The following STAU2 variants were observed in gnomAD, a reference collection of about 807,000 sequenced individuals.
The protein encoded by STAU2 is double-stranded RNA-binding protein Staufen homolog 2.
In STAU2, 20 loss-of-function variants were observed where a neutral mutation model predicts 65.9. The ratio of observed to expected loss-of-function variants is 0.30; its 90% confidence interval spans 0.21 to 0.44. The LOEUF is 0.44. STAU2 is among the 20% of genes least tolerant of loss of function. The pLI is 1.00. For synonymous variants in STAU2, 232 were observed against 233.9 expected (o/e 0.99, Z 0.07); for missense variants, 558 against 683.9 (o/e 0.82, Z 2.05).
At chr8:73,531,947 G>A (rs1310373098) in intron 13 of STAU2, among the ~76,000 whole-genome samples, 1 of 152,132 alleles carries the variant, frequency 6.6e-6, no homozygotes, top group African/African-American at 2.4e-5. Context: ...AATTACAAAA[G>A]AGTCATCACC....
intron 12 of STAU2, among the ~76,000 whole-genome samples, chr8:73,572,182 C>T (rs1809151014): frequency 6.6e-6 from 1 of 152,176 alleles, no homozygotes; most frequent in Non-Finnish European, 1.5e-5. Context: ...CACATACACC[C>T]TCCTAAGACT....
intron 6 of STAU2, among the ~76,000 whole-genome samples, chr8:73,667,559 C>T (rs1817330345): frequency 6.6e-6 from 1 of 152,200 alleles, no homozygotes; most frequent in Admixed American, 6.5e-5. Context: ...CAGTTCATCC[C>T]TCCTGGAAGG....
rs560315450 is a variant in STAU2, at chr8:73,534,875, T to C, written c.1530+17137A>G. 1.3e-3 allele frequency among the ~76,000 whole-genome samples: 199 copies of C among 152,326 alleles called. 2 individuals are homozygous for C. Among genetic ancestry groups the C allele is most frequent in the African/African-American group, 4.7e-3 (197 of 41,586 alleles). ...GCAATATGCTTGTCACATTAATGCC[T>C]CTAAAGGGACATGGATAAATAAATG... On this transcript the variant is annotated intron_variant, in intron 13 of 14. Transcript: ENST00000524300.
At position 73,683,065 on chromosome 8, in the gene STAU2, A is replaced by T. The variant is rs539552292; in HGVS notation, c.274+5589T>A. 3.9e-5 allele frequency among the ~76,000 whole-genome samples: 6 copies of T among 152,292 alleles called. No individual in the cohort carries two copies. The South Asian group carries it at 1.2e-3, about 32-fold the overall frequency. The stretch of plus-strand genomic sequence containing the variant: ...AAGAACTGGTATTAATCCTATTGGC[A>T]CTATTCCAAAAGACAGAGAAAGAGG... On this transcript the variant is annotated intron_variant, in intron 5 of 14. Coordinates refer to ENST00000524300, the MANE Select transcript of STAU2 (RefSeq NM_001164380.2).
chr8:73,696,150 G>A (rs1243889058), intron 4 of STAU2, among the ~76,000 whole-genome samples: 8 of 152,188 alleles, frequency 5.3e-5, no homozygotes, highest in Non-Finnish European at 1.2e-4. Flanking sequence ...GAATTCTTCC[G>A]GATCTTATCC....
chr8:73,594,459 T>A (rs1172288684), intron 11 of STAU2, among the ~76,000 whole-genome samples: 1 of 152,222 alleles, frequency 6.6e-6, no homozygotes, highest in Non-Finnish European at 1.5e-5. Context: ...TTAGTAAGCC[T>A]GTTTTGTGAA....
intron 3 of STAU2, among the ~76,000 whole-genome samples, chr8:73,734,726 G>A (rs560316428): frequency 1.1e-4 from 17 of 152,134 alleles, no homozygotes; most frequent in Admixed American, 7.9e-4. Flanking sequence ...TTCGGAAGGC[G>A]GAGGATGCAG....
At chr8:73,646,994 C>G (rs1815434934) in intron 6 of STAU2, among the ~76,000 whole-genome samples, 1 of 149,238 alleles carries the variant, frequency 6.7e-6, no homozygotes, top group Non-Finnish European at 1.5e-5. Context: ...TTCAACATCC[C>G]TAACCATTAT....
At chr8:73,568,211 G>A (rs1808763364) in intron 12 of STAU2, among the ~76,000 whole-genome samples, 1 of 152,184 alleles carries the variant, frequency 6.6e-6, no homozygotes, top group African/African-American at 2.4e-5. Context: ...TGTACTCCAT[G>A]TAGTACGTGC....
At chr8:73,692,235 G>C (rs921397463) in intron 4 of STAU2, among the ~76,000 whole-genome samples, 3 of 149,616 alleles carry the variant, frequency 2.0e-5, no homozygotes, top group African/African-American at 7.4e-5. Flanking sequence ...GTCTTGCTCT[G>C]TCGCCAAGGT....
chr8:73,682,172 G>A lies in STAU2; in HGVS notation c.274+6482C>T, dbSNP rs149766134. ...ACATTCTACCCAACAACTGCAAAAT[G>A]CACATTGTATTCATCAACACATGGA... On this transcript the variant is annotated intron_variant, in intron 5 of 14. Coordinates refer to ENST00000524300, the MANE Select transcript of STAU2 (RefSeq NM_001164380.2). Among the ~76,000 whole-genome samples, 4 of 152,090 alleles carry A rather than the reference G, an allele frequency of 2.6e-5. No homozygotes were observed. In the East Asian group the frequency reaches 7.7e-4, roughly 29 times the overall value.
At chr8:73,539,186 T>C (rs1806364218) in intron 13 of STAU2, among the ~76,000 whole-genome samples, 1 of 152,212 alleles carries the variant, frequency 6.6e-6, no homozygotes, top group Non-Finnish European at 1.5e-5. Context: ...CCAAAGTCTC[T>C]ATAATGTATT....
At position 73,728,957 on chromosome 8, in the gene STAU2, T is replaced by C. The variant is rs1200181900; in HGVS notation, c.-18+9327A>G. ...CTCTGGCTATAACTTCCACTACAACTTGAATAACTGGTGAGAATGGGTATC... is the reference window on the plus strand; with the variant it reads ...CTCTGGCTATAACTTCCACTACAACCTGAATAACTGGTGAGAATGGGTATC... On this transcript the variant is annotated intron_variant, in intron 3 of 14. Coordinates refer to ENST00000524300, the MANE Select transcript of STAU2 (RefSeq NM_001164380.2). 3.2e-4 allele frequency among the ~76,000 whole-genome samples: 48 copies of C among 152,212 alleles called. 1 individual carries two copies. The highest frequency in any genetic ancestry group is 3.1e-3 in the Admixed American group (47 of 15,274).
chr8:73,501,040 A>T (rs768562925), intron 13 of STAU2, among the ~76,000 whole-genome samples: 3 of 151,932 alleles, frequency 2.0e-5, no homozygotes, highest in Non-Finnish European at 4.4e-5. Flanking sequence ...TTAAAACATA[A>T]CCAATTTAAT....
chr8:73,736,843 A>C (rs752692638), intron 3 of STAU2, among the ~76,000 whole-genome samples: 1 of 152,164 alleles, frequency 6.6e-6, no homozygotes, highest in Admixed American at 6.5e-5. Flanking sequence ...GAGCAGGACT[A>C]TATGTCGGAA....
chr8:73,574,262 G>A lies in STAU2; in HGVS notation c.1222+8508C>T, dbSNP rs530975042. ...ATTAAAAAGTCAGGAAACAACAGGT[G>A]CTGGAGAGGATGTGGAGAAACAGGA... On this transcript the variant is annotated intron_variant, in intron 12 of 14. Coordinates refer to ENST00000524300, the MANE Select transcript of STAU2 (RefSeq NM_001164380.2). Among the ~76,000 whole-genome samples, 324 of 152,326 alleles carry A rather than the reference G, an allele frequency of 2.1e-3. 1 individual carries two copies. The highest frequency in any genetic ancestry group is 7.1e-3 in the African/African-American group (296 of 41,574).
At chr8:73,516,970 T>TTAACA (rs1444081300) in intron 13 of STAU2, among the ~76,000 whole-genome samples, 1 of 152,188 alleles carries the variant, frequency 6.6e-6, no homozygotes, top group Non-Finnish European at 1.5e-5. Context: ...TCATTAGTAG[T>TTAACA]GAACTGTTAA....
intron 6 of STAU2, among the ~76,000 whole-genome samples, chr8:73,629,999 T>C (rs1202294672): frequency 1.3e-5 from 2 of 152,296 alleles, no homozygotes. Context: ...ACCTGGATCC[T>C]TTCATACTGT....
intron 13 of STAU2, among the ~76,000 whole-genome samples, chr8:73,511,960 T>A (rs1331443030): frequency 1.3e-5 from 2 of 152,234 alleles, no homozygotes; most frequent in African/African-American, 4.8e-5. Flanking sequence ...TCCAAATTCA[T>A]CTTTTTCATA....
Sources: allele counts gnomAD v4.1 joint callset (sites outside exome capture counted in the v4.1 genomes callset), GRCh38; gene constraint gnomAD v4.1.1; transcripts MANE v1.5; gene names NCBI Gene and HGNC (gene_info 2026-07-23, HGNC 2026-07-21).